CD177: variants seen among roughly 807,000 people sequenced by gnomAD.
CD177 encodes the protein CD177 molecule.
CD177 carries 41 observed loss-of-function variants against 38.1 expected under a neutral mutation model. The observed-to-expected ratio is 1.07, with a 90% CI of 0.84 to 1.39. CD177 has a LOEUF of 1.39. Ranked by LOEUF, CD177 falls within the 40% of genes most tolerant of loss-of-function variation. The probability of loss-of-function intolerance (pLI) is 0.00; values close to 1 mark genes in which losing one functional copy is unlikely to be tolerated. For synonymous variants in CD177, 236 were observed against 216.7 expected (o/e 1.09, Z -0.78); for missense variants, 619 against 523.8 (o/e 1.18, Z -1.77).
At position 43,361,520 on chromosome 19, in the gene CD177, G is replaced by GA. The variant is rs541074955; in HGVS notation, c.1024dup (p.Met342AsnfsTer12). 7.8e-4 allele frequency: 1,235 copies of GA among 1,592,064 alleles called. 30 individuals carry two copies. The Admixed American group carries it at 0.02, about 26-fold the overall frequency. ...GGAACCTGTTCAAGTGGCTCCCCCC[G>GA]AATGACCTGCCCCAGGGGCGCCACT... On this transcript the variant is annotated frameshift_variant, in exon 8 of 9. Coordinates refer to ENST00000618265, the MANE Select transcript of CD177 (RefSeq NM_020406.4). LOFTEE classifies it high-confidence loss of function.
downstream of CD177, chr19:43,363,249 G>T (rs182122873): frequency 2.0e-5 from 3 of 152,324 alleles, no homozygotes; most frequent in Admixed American, 2.0e-4. Flanking sequence ...TAATTGACAT[G>T]AGGGCTTGAG....
chr19:43,354,229 C>A lies in CD177; in HGVS notation c.216C>A (p.Leu72=). Residue 72 remains leucine, a synonymous_variant, in exon 3 of 9, where the codon CTC becomes CTA. Transcript: ENST00000618265. ...IESGPQVSLV[L]SKGCTEAKDQ... ...CAGGACCCCAAGTGAGCCTGGTGCT[C>A]TCCAAGGGCTGCACGGAGGCCAAGG... 1 of 1,613,500 alleles carries A rather than the reference C, an allele frequency of 6.2e-7. No homozygotes were observed. The highest frequency in any genetic ancestry group is 8.5e-7 in the Non-Finnish European group (1 of 1,179,730).
At chr19:43,362,052 C>A in intron 8 of CD177, 36 bp from the exon 9 acceptor site, 1 of 1,585,698 alleles carries the variant, frequency 6.3e-7, no homozygotes, top group Non-Finnish European at 8.7e-7. Context: ...CTGGGCTGTA[C>A]TCTGTGTCCT....
intron 3 of CD177, among the ~76,000 whole-genome samples, chr19:43,355,252 T>A (rs2122241261): frequency 6.6e-6 from 1 of 151,134 alleles, no homozygotes; most frequent in South Asian, 2.1e-4. Context: ...TAGCAGGGAC[T>A]AGAGGAGCCT....
At position 43,354,266 on chromosome 19, in the gene CD177, C is replaced by T. The variant is rs759856388; in HGVS notation, c.253C>T (p.Arg85Cys). Residue 85 changes from arginine to cysteine, a missense_variant, in exon 3 of 9, where the codon CGC becomes TGC. Transcript: ENST00000618265. ...GCTEAKDQEP[R>C]VTEHRMGPGL... ...CACGGAGGCCAAGGACCAGGAGCCC[C>T]GCGTCACTGAGCACCGGATGGGCCC... 14 of 1,613,890 alleles carry T rather than the reference C, an allele frequency of 8.7e-6. No individual in the cohort carries two copies. Among genetic ancestry groups the T allele is most frequent in the East Asian group, 4.5e-5 (2 of 44,870 alleles).
In CD177 at chr19:43,360,376, G is replaced by C. The variant is rs1248618610; in HGVS notation, c.731G>C (p.Cys244Ser). 8.1e-6 allele frequency: 13 copies of C among 1,607,132 alleles called. No individual in the cohort carries two copies. The highest frequency in any genetic ancestry group is 4.5e-5 in the East Asian group (2 of 44,658). The change falls in exon 6 of 9, where the codon TGT becomes TCT. Residue 244 changes from cysteine to serine, a missense_variant. Cys to Ser is a moderately radical substitution (Grantham distance 112). Transcript: ENST00000618265. ...GAGATGTGCGAGGTGGGGCAGGTGTGTCAGGAGACGCTGCTGCTCCTAGAT... is the reference window on the plus strand; with the variant it reads ...GAGATGTGCGAGGTGGGGCAGGTGTCTCAGGAGACGCTGCTGCTCCTAGAT... The part of the protein sequence containing the change: ...NTEMCEVGQV[C>S]QETLLLLDVG...
At chr19:43,364,478 G>A (rs1006002227), downstream of CD177, among the ~76,000 whole-genome samples, 4 of 151,866 alleles carry the variant, frequency 2.6e-5, no homozygotes, top group Admixed American at 1.3e-4. Context: ...AAATGTTACC[G>A]CCATGAGTTG....
At chr19:43,354,898 G>T (rs1969901312) in intron 3 of CD177, among the ~76,000 whole-genome samples, 1 of 151,876 alleles carries the variant, frequency 6.6e-6, no homozygotes, top group Non-Finnish European at 1.5e-5. Flanking sequence ...AGCGCTTGCA[G>T]GTGAAGGCAC....
rs1429409255 is a variant in CD177, at chr19:43,362,991, A to G, written c.*671A>G. 1 of 152,238 alleles carries G rather than the reference A, an allele frequency of 6.6e-6. No individual in the cohort carries two copies. Among genetic ancestry groups the G allele is most frequent in the African/African-American group, 2.4e-5 (1 of 41,450 alleles). 9.4% of individuals were successfully genotyped at this position (152,238 alleles called of 1,614,324 possible). A position where few individuals can be genotyped will look rare whatever the true frequency, so the allele number is the denominator to read the frequency against. On this transcript the variant is annotated 3_prime_UTR_variant, in exon 9 of 9. Transcript: ENST00000618265. ...GTGCACTTACACCAACCCAGATGGT[A>G]CAGCCCAATACACACCCAGGATGGA...
rs1382099217 is a variant in CD177, at chr19:43,361,571, T to C, written c.1073T>C (p.Leu358Pro). 5 of 1,565,412 alleles carry C rather than the reference T, an allele frequency of 3.2e-6. No homozygotes were observed. The South Asian group carries it at 4.7e-5, about 15-fold the overall frequency. Residue 358 changes from leucine to proline, a missense_variant, in exon 8 of 9, where the codon CTC becomes CCC. Leu to Pro is a moderately conservative substitution (Grantham distance 98). Coordinates refer to ENST00000618265, the MANE Select transcript of CD177 (RefSeq NM_020406.4). ...ATHCYDGYIHLSGGGLSTKMS... is the reference protein window; with the variant it reads ...ATHCYDGYIHPSGGGLSTKMS... ...CATTGTTATGATGGGTACATTCATC[T>C]CTCAGGAGGTGAGTGCTGCAAGCAG... is the stretch of plus-strand genomic sequence containing the variant.
rs1231293162 is a variant in CD177 at position 43,362,582 on chromosome 19, G to C, written c.*262G>C. The C allele has an allele frequency of 3.1e-6, 1 of 326,490 alleles. No individual in the cohort carries two copies. The highest frequency in any genetic ancestry group is 5.2e-5 in the East Asian group (1 of 19,218). 20.2% of individuals were successfully genotyped at this position (326,490 alleles called of 1,614,324 possible). On this transcript the variant is annotated 3_prime_UTR_variant, in exon 9 of 9. Transcript: ENST00000618265. ...AATACAGACCCTGTCCTTTCTCCCA[G>C]TGCTGGGATTTCTCCATGTGAGGGG... is the stretch of plus-strand genomic sequence containing the variant.
intron 5 of CD177, among the ~76,000 whole-genome samples, chr19:43,359,823 A>AGGCAGCGCTCAGC (rs1969934571): frequency 8.7e-6 from 1 of 114,526 alleles, no homozygotes; most frequent in Admixed American, 9.5e-5. Context: ...CCAGGTGCAG[A>AGGCAGCGCTCAGC]GGCAGTGCTC....
intron 2 of CD177, 88 bp downstream of exon 2, chr19:43,354,081 G>A (rs1472717364): frequency 9.6e-6 from 15 of 1,570,604 alleles, no homozygotes; most frequent in Admixed American, 5.3e-5. Flanking sequence ...CCCCTCCGGG[G>A]GATCGACTCC....
rs1157732244 is a variant in CD177 at position 43,362,293 on chromosome 19, G to T, written c.1287G>T (p.Trp429Cys). Residue 429 changes from tryptophan (W) to cysteine (C), a missense_variant, in exon 9 of 9, where the codon TGG becomes TGT. By Grantham distance (215) the Trp-to-Cys change is radical. Coordinates refer to ENST00000618265, the MANE Select transcript of CD177 (RefSeq NM_020406.4). ...GGCTGGCACTGGCCCCAGCGCTGTGGTGGGGAGTGGTTTGCCCTTCCTGCT... is the reference window on the plus strand; with the variant it reads ...GGCTGGCACTGGCCCCAGCGCTGTGTTGGGGAGTGGTTTGCCCTTCCTGCT... ...GVGLALAPALWWGVVCPSC is the reference protein window; with the variant it reads ...GVGLALAPALCWGVVCPSC 6.4e-7 allele frequency: 1 copy of T among 1,568,110 alleles called. No individual in the cohort carries two copies. Among genetic ancestry groups the T allele is most frequent in the Non-Finnish European group, 8.8e-7 (1 of 1,142,290 alleles).
At chr19:43,355,613 A>C in intron 3 of CD177, 48 bp from the exon 4 acceptor site, 1 of 1,610,042 alleles carries the variant, frequency 6.2e-7, no homozygotes, top group Non-Finnish European at 8.5e-7. Flanking sequence ...ATCTGATCAA[A>C]TCCAGTGCCC....
At position 43,354,291 on chromosome 19, in the gene CD177, C is replaced by G. The variant is rs1568443098; in HGVS notation, c.278C>G (p.Pro93Arg). ...EPRVTEHRMGPGLSLISYTFV... is the reference protein window; with the variant it reads ...EPRVTEHRMGRGLSLISYTFV... ...CGCGTCACTGAGCACCGGATGGGCC[C>G]CGGCCTCTCCCTGATCTCCTACACC... is the stretch of plus-strand genomic sequence containing the variant. Residue 93 changes from proline (P) to arginine (R), a missense_variant, in exon 3 of 9, where the codon CCC (proline) becomes CGC (arginine). Transcript: ENST00000618265. 1 of 1,613,964 alleles carries G rather than the reference C, an allele frequency of 6.2e-7. No individual in the cohort carries two copies. Among genetic ancestry groups the G allele is most frequent in the East Asian group, 2.2e-5 (1 of 44,876 alleles).
At chr19:43,363,733 C>T (rs2063694010), downstream of CD177, among the ~76,000 whole-genome samples, 1 of 152,130 alleles carries the variant, frequency 6.6e-6, no homozygotes. Flanking sequence ...AAACAGAACA[C>T]GTCTAGTACC....
intron 5 of CD177, among the ~76,000 whole-genome samples, chr19:43,359,845 T>C (rs1232748652): frequency 7.9e-6 from 1 of 126,796 alleles, no homozygotes; most frequent in Non-Finnish European, 1.6e-5. Flanking sequence ...GCGGCAGTGC[T>C]CAGCCCACCC....
rs188387562 is a variant in CD177, at chr19:43,362,260, G to A, written c.1254G>A (p.Trp418Ter). 5.9e-4 allele frequency: 956 copies of A among 1,609,200 alleles called. 6 individuals are homozygous for A. In the East Asian group the frequency reaches 0.021, roughly 35 times the overall value. ...CTGAGGGCCTGGAGTCTCTCACTTG[G>A]GGGGTGGGGCTGGCACTGGCCCCAG... is the stretch of plus-strand genomic sequence containing the variant. ...GGAEGLESLT[W>*]GVGLALAPAL... The change falls in exon 9 of 9, where the codon TGG (tryptophan) becomes TGA (stop). Residue 418 changes from tryptophan to a stop codon, truncating the protein, a stop_gained. Transcript: ENST00000618265. LOFTEE classifies it low-confidence loss of function (END_TRUNC).
Sources: allele counts gnomAD v4.1 joint callset (sites outside exome capture counted in the v4.1 genomes callset), GRCh38; gene constraint gnomAD v4.1.1; transcripts MANE v1.5; gene names NCBI Gene and HGNC (gene_info 2026-07-23, HGNC 2026-07-21).